GALM: variants seen among roughly 807,000 people sequenced by gnomAD.
GALM encodes the protein galactose mutarotase.
GALM carries 43 observed loss-of-function variants against 37.4 expected under a neutral mutation model. The observed-to-expected ratio is 1.15, with a 90% confidence interval of 0.90 to 1.48. GALM has a LOEUF of 1.48. GALM is among the 40% of genes most tolerant of loss of function. GALM has a pLI of 0.00. For synonymous variants in GALM, 199 were observed against 170.6 expected, an observed-to-expected ratio of 1.17 and a Z score of -1.30; for missense variants, 456 against 419.1, an observed-to-expected ratio of 1.09 and a Z score of -0.77.
At position 38,689,869 on chromosome 2, in the gene GALM, T is replaced by A. The variant is rs1228376262; in HGVS notation, c.609T>A (p.Pro203=). ...CCATAGAAGCGGATACTTATTTGCC[T>A]GTGGATGAAACCCTGATTCCTACAG... ...EVTIEADTYL[P]VDETLIPTGE... Residue 203 remains proline (P), a synonymous_variant, in exon 4 of 7, where the codon CCT becomes CCA. Transcript: ENST00000272252. The A allele has an allele frequency of 3.1e-6, 5 of 1,610,468 alleles. No individual in the cohort carries two copies. The East Asian group carries it at 1.1e-4, about 36-fold the overall frequency.
At chr2:38,731,676 TCTA>T (rs1375473858) in intron 5 of GALM, 56 bp from the exon 6 acceptor site, 1 of 1,362,768 alleles carries the variant, frequency 7.3e-7, no homozygotes, top group East Asian at 2.3e-5. Flanking sequence ...CTTCCCAGCT[TCTA>T]CTCCTCCCCA....
At chr2:38,718,702 C>T (rs1272078347) in intron 4 of GALM, among the ~76,000 whole-genome samples, 1 of 151,596 alleles carries the variant, frequency 6.6e-6, no homozygotes, top group Non-Finnish European at 1.5e-5. Context: ...GCACTGTCTA[C>T]TGGGTTGTGT....
intron 3 of GALM, among the ~76,000 whole-genome samples, chr2:38,685,387 A>G (rs1276610921): frequency 1.3e-5 from 2 of 152,230 alleles, no homozygotes; most frequent in Non-Finnish European, 2.9e-5. Context: ...AGTAACCCAC[A>G]GTGTCTGTAC....
At chr2:38,693,300 T>C (rs1269171765) in intron 4 of GALM, among the ~76,000 whole-genome samples, 1 of 152,062 alleles carries the variant, frequency 6.6e-6, no homozygotes, top group Non-Finnish European at 1.5e-5. Context: ...CTGGCTAACA[T>C]GGTGAAACCC....
chr2:38,702,608 C>A (rs1572529738), intron 4 of GALM, among the ~76,000 whole-genome samples: 2 of 152,088 alleles, frequency 1.3e-5, no homozygotes, highest in South Asian at 4.1e-4. Flanking sequence ...TTTGTAATGA[C>A]ATCAGCCATT....
chr2:38,671,978 C>T (rs914836586), intron 1 of GALM, among the ~76,000 whole-genome samples: 1 of 151,734 alleles, frequency 6.6e-6, no homozygotes, highest in Non-Finnish European at 1.5e-5. Context: ...AGAGAAAGAC[C>T]CTGTCTCAAA....
At chr2:38,696,950 C>T (rs544325197) in intron 4 of GALM, among the ~76,000 whole-genome samples, 6 of 151,816 alleles carry the variant, frequency 4.0e-5, no homozygotes, top group Admixed American at 6.6e-5. Context: ...CCACCACGCC[C>T]GGCTAATTTT....
At chr2:38,711,810 C>A (rs796193382) in intron 4 of GALM, among the ~76,000 whole-genome samples, 10 of 147,166 alleles carry the variant, frequency 6.8e-5, no homozygotes, top group Non-Finnish European at 1.2e-4. Flanking sequence ...CCATCACCAT[C>A]ATCATCATCA....
chr2:38,724,728 G>A (rs1266333457), intron 4 of GALM, among the ~76,000 whole-genome samples: 1 of 152,104 alleles, frequency 6.6e-6, no homozygotes, highest in Non-Finnish European at 1.5e-5. Context: ...TACCCTCTGT[G>A]CCCTCTGCTC....
At chr2:38,718,628 A>G (rs915641588) in intron 4 of GALM, among the ~76,000 whole-genome samples, 4 of 151,722 alleles carry the variant, frequency 2.6e-5, no homozygotes, top group African/African-American at 7.3e-5. Flanking sequence ...AATAATTTTT[A>G]ATTGTTATTA....
chr2:38,733,385 A>T, intron 6 of GALM, 103 bp from the exon 7 acceptor site: 1 of 909,676 alleles, frequency 1.1e-6, no homozygotes, highest in Non-Finnish European at 1.8e-6. Context: ...ACTGGCAGCC[A>T]TCCACAGAGC....
At chr2:38,678,053 A>G (rs1369037366) in intron 2 of GALM, among the ~76,000 whole-genome samples, 2 of 139,400 alleles carry the variant, frequency 1.4e-5, no homozygotes, top group East Asian at 4.3e-4. Flanking sequence ...TTTTGCTTTC[A>G]TTTTCCAGGC....
intron 4 of GALM, among the ~76,000 whole-genome samples, chr2:38,714,371 C>T (rs1283402719): frequency 1.3e-5 from 2 of 152,050 alleles, no homozygotes; most frequent in African/African-American, 2.4e-5. Context: ...TGCACCACCA[C>T]ACTCGGCTAA....
chr2:38,702,907 CACTTTATTTATATATATAT>C (rs1379090353), intron 4 of GALM, among the ~76,000 whole-genome samples: 5 of 139,228 alleles, frequency 3.6e-5, no homozygotes, highest in African/African-American at 1.3e-4. Flanking sequence ...TATATATATA[CACTTTATTTATATATATAT>C]ACTTTTTATA....
At chr2:38,714,576 A>T (rs1666233068) in intron 4 of GALM, among the ~76,000 whole-genome samples, 1 of 152,186 alleles carries the variant, frequency 6.6e-6, no homozygotes, top group Non-Finnish European at 1.5e-5. Context: ...TGTAGAGAAA[A>T]AGGCAATATA....
chr2:38,706,208 T>C (rs1666034022), intron 4 of GALM, among the ~76,000 whole-genome samples: 1 of 151,666 alleles, frequency 6.6e-6, no homozygotes, highest in Admixed American at 6.6e-5. Flanking sequence ...TTTCACGATG[T>C]TGGCCAGGCT....
intron 1 of GALM, among the ~76,000 whole-genome samples, chr2:38,673,664 G>T (rs1253843547): frequency 6.6e-6 from 1 of 152,028 alleles, no homozygotes; most frequent in Non-Finnish European, 1.5e-5. Context: ...CAAAAAATAA[G>T]CCGGGCATGG....
chr2:38,720,827 G>T (rs1407760449), intron 4 of GALM, among the ~76,000 whole-genome samples: 1 of 152,228 alleles, frequency 6.6e-6, no homozygotes, highest in East Asian at 1.9e-4. Context: ...CTTCCTTACA[G>T]TATGGTGGCA....
intron 4 of GALM, among the ~76,000 whole-genome samples, chr2:38,703,070 ATATATATATATATATATATATATT>A (rs1665954933): frequency 1.9e-4 from 1 of 5,240 alleles, no homozygotes; most frequent in African/African-American, 3.4e-4. Flanking sequence ...ATATATATAT[ATATATATATATATATATATATATT>A]TTTTTTTTTT....
Sources: gnomAD v4.1 joint callset for allele counts (sites outside exome capture counted in the v4.1 genomes callset) on GRCh38, gnomAD v4.1.1 for gene constraint, MANE v1.5 for transcripts, NCBI Gene and HGNC (gene_info 2026-07-23, HGNC 2026-07-21) for gene names.